Variants in ARHGAP6 observed in about 807,000 individuals in gnomAD.
ARHGAP6 encodes Rho GTPase activating protein 6.
In ARHGAP6, 16 loss-of-function variants were observed where a neutral mutation model predicts 55.7. That is an observed-to-expected ratio of 0.29 (90% CI 0.19 to 0.44). The LOEUF (loss-of-function observed/expected upper bound fraction) is 0.44. Ranked by LOEUF, ARHGAP6 falls within the 20% of genes least tolerant of loss-of-function variation. ARHGAP6 has a pLI of 1.00. For synonymous variants in ARHGAP6, 382 were observed against 360.9 expected, an observed-to-expected ratio of 1.06 and a Z score of -0.66; for missense variants, 698 against 808.9, an observed-to-expected ratio of 0.86 and a Z score of 1.66.
intron 1 of ARHGAP6, among the ~76,000 whole-genome samples, chrX:11,325,465 TGAA>T: frequency 8.9e-6 from 1 of 112,284 alleles, no homozygotes; most frequent in East Asian, 2.8e-4. Context: ...AATTTTCTAA[TGAA>T]GATTATTCAT....
chrX:11,510,979 T>A (rs764980075), intron 1 of ARHGAP6, among the ~76,000 whole-genome samples: 1 of 111,834 alleles, frequency 8.9e-6, no homozygotes, highest in Non-Finnish European at 1.9e-5. Flanking sequence ...CCTGAAAATA[T>A]TTACTACCTA....
At chrX:11,178,058 A>G in intron 8 of ARHGAP6, 42 bp downstream of exon 8, 2 of 1,208,317 alleles carry the variant, frequency 1.7e-6, no homozygotes, top group East Asian at 3.0e-5. Context: ...AAAATAGGGG[A>G]GAGGAAGAGT....
intron 1 of ARHGAP6, among the ~76,000 whole-genome samples, chrX:11,524,769 T>A (rs989500978): frequency 1.8e-5 from 2 of 111,143 alleles, no homozygotes; most frequent in Non-Finnish European, 3.8e-5. Context: ...TGCACCTTAT[T>A]TCTATTATTC....
intron 1 of ARHGAP6, among the ~76,000 whole-genome samples, chrX:11,362,629 T>C (rs1032942245): frequency 1.8e-5 from 2 of 108,183 alleles, no homozygotes; most frequent in African/African-American, 6.8e-5. Context: ...ACATTGTGCA[T>C]ATGTACCCTA....
At chrX:11,601,404 AAGAATCAC>A (rs1328787328) in intron 1 of ARHGAP6, among the ~76,000 whole-genome samples, 1 of 111,428 alleles carries the variant, frequency 9.0e-6, no homozygotes, top group African/African-American at 3.3e-5. Context: ...TGGGAGGGTA[AAGAATCAC>A]AGAAAGAGGG....
chrX:11,606,134 T>C (rs2052033798), intron 1 of ARHGAP6, among the ~76,000 whole-genome samples: 1 of 112,157 alleles, frequency 8.9e-6, no homozygotes, highest in East Asian at 2.8e-4. Flanking sequence ...TTCTGTGTGT[T>C]GTGCAATTTA....
intron 1 of ARHGAP6, among the ~76,000 whole-genome samples, chrX:11,590,574 T>C (rs2051793996): frequency 9.4e-6 from 1 of 106,609 alleles, no homozygotes; most frequent in Non-Finnish European, 1.9e-5. Flanking sequence ...TCACTTGAGG[T>C]TAGTAGTCAA....
chrX:11,449,407 C>T (rs752217282), intron 1 of ARHGAP6, among the ~76,000 whole-genome samples: 6 of 111,844 alleles, frequency 5.4e-5, no homozygotes, highest in Non-Finnish European at 7.5e-5. Context: ...CCCTGGAAGA[C>T]CTCACATTGG....
At chrX:11,316,638 C>T (rs2048362677) in intron 1 of ARHGAP6, among the ~76,000 whole-genome samples, 2 of 112,249 alleles carry the variant, frequency 1.8e-5, no homozygotes, top group South Asian at 7.3e-4. Context: ...CCATGTTGTA[C>T]AATAGATCTC....
intron 1 of ARHGAP6, among the ~76,000 whole-genome samples, chrX:11,543,388 A>C (rs748716063): frequency 1.8e-5 from 2 of 112,729 alleles, no homozygotes; most frequent in Non-Finnish European, 3.7e-5. Context: ...ACATTCGGCA[A>C]TGTCATGGGA....
At chrX:11,179,191 G>A (rs2147330888) in intron 7 of ARHGAP6, 111 bp downstream of exon 7, 1 of 789,187 alleles carries the variant, frequency 1.3e-6, no homozygotes, top group African/African-American at 2.1e-5. Context: ...TTTAGAGATT[G>A]ATAAATAAGG....
chrX:11,627,084 G>C (rs778026840), intron 1 of ARHGAP6, among the ~76,000 whole-genome samples: 1 of 111,339 alleles, frequency 9.0e-6, no homozygotes, highest in African/African-American at 3.3e-5. Context: ...TAATCCTAAG[G>C]TTCCTAGGAA....
chrX:11,491,474 T>A lies in ARHGAP6; in HGVS notation c.588+172767A>T, dbSNP rs761863868. Among the ~76,000 whole-genome samples the A allele has an allele frequency of 1.5e-4, 17 of 110,759 alleles. 1 individual carries two copies. In the East Asian group the frequency reaches 4.3e-3, roughly 28 times the overall value. ...TGAGAATATGCGGTGTCTGGTTTTTTCTTCTTGCGATAGTTTACTGAGAAT... is the reference window on the plus strand; with the variant it reads ...TGAGAATATGCGGTGTCTGGTTTTTACTTCTTGCGATAGTTTACTGAGAAT... On this transcript the variant is annotated intron_variant, in intron 1 of 12. Transcript: ENST00000337414.
chrX:11,664,893 G>C lies in ARHGAP6; in HGVS notation c.-65C>G. ...CCCTGGACGCTGGTGGCTTTGGGTCGGGAACCGAAAGGGACTCAGGCAAAG... is the reference window on the plus strand; with the variant it reads ...CCCTGGACGCTGGTGGCTTTGGGTCCGGAACCGAAAGGGACTCAGGCAAAG... On this transcript the variant is annotated 5_prime_UTR_variant, in exon 1 of 13. Coordinates refer to ENST00000337414, the MANE Select transcript of ARHGAP6 (RefSeq NM_013427.3). The C allele has an allele frequency of 9.5e-7, 1 of 1,058,131 alleles. No homozygotes were observed. The highest frequency in any genetic ancestry group is 2.3e-5 in the South Asian group (1 of 43,565). 87.2% of individuals were successfully genotyped at this position (1,058,131 alleles called of 1,213,427 possible). A position where few individuals can be genotyped will look rare whatever the true frequency, so the allele number is the denominator to read the frequency against.
intron 1 of ARHGAP6, among the ~76,000 whole-genome samples, chrX:11,446,128 G>A (rs889855377): frequency 1.8e-5 from 2 of 111,942 alleles, no homozygotes; most frequent in Non-Finnish European, 3.8e-5. Flanking sequence ...ACATCTGAGA[G>A]GTTAATTATT....
chrX:11,211,387 C>T (rs956596543), intron 2 of ARHGAP6, among the ~76,000 whole-genome samples: 1 of 106,082 alleles, frequency 9.4e-6, no homozygotes, highest in East Asian at 3.0e-4. Flanking sequence ...CTAATTAGCC[C>T]GCCTGGCTAA....
intron 1 of ARHGAP6, among the ~76,000 whole-genome samples, chrX:11,299,545 T>C (rs770571238): frequency 8.9e-6 from 1 of 112,428 alleles, no homozygotes; most frequent in East Asian, 2.8e-4. Flanking sequence ...TGGGGTTCTA[T>C]AGATGATTAA....
intron 1 of ARHGAP6, among the ~76,000 whole-genome samples, chrX:11,557,027 G>T (rs1037056433): frequency 4.5e-5 from 5 of 111,811 alleles, no homozygotes; most frequent in Non-Finnish European, 9.4e-5. Context: ...AGAGTACAAA[G>T]ATACAGTAAT....
intron 1 of ARHGAP6, among the ~76,000 whole-genome samples, chrX:11,483,117 G>C (rs974370001): frequency 8.9e-6 from 1 of 111,837 alleles, no homozygotes; most frequent in Non-Finnish European, 1.9e-5. Context: ...AGATATGAGG[G>C]ATAGACATAT....
Sources: gnomAD v4.1 joint callset for allele counts (sites outside exome capture counted in the v4.1 genomes callset) on GRCh38, gnomAD v4.1.1 for gene constraint, MANE v1.5 for transcripts, NCBI Gene and HGNC (gene_info 2026-07-23, HGNC 2026-07-21) for gene names.